CNNM2: variants seen among roughly 807,000 people sequenced by gnomAD.
CNNM2 encodes the protein cyclin and CBS domain divalent metal cation transport mediator 2.
Under a neutral mutation model 66.9 loss-of-function variants are expected in CNNM2, and 12 were observed. That is an observed-to-expected ratio of 0.18 (90% CI 0.11 to 0.29). The LOEUF is 0.29. CNNM2 is among the 10% of genes least tolerant of loss of function. The probability of loss-of-function intolerance (pLI) is 1.00; values close to 1 mark genes in which losing one functional copy is unlikely to be tolerated. For synonymous variants in CNNM2, 557 were observed against 501.8 expected, an observed-to-expected ratio of 1.11 and a Z score of -1.47; for missense variants, 705 against 1,167.7, an observed-to-expected ratio of 0.60 and a Z score of 5.77.
rs774895232 is a variant in CNNM2, at chr10:102,931,846, T to TA, written c.1621+11765dup. ...CATCCTCACCAGCACTTGTTATTGT[T>TA]AAAAAAAAAAAAAAAAAAAAGAATG... On this transcript the variant is annotated intron_variant, in intron 1 of 7. Transcript: ENST00000369878. 0.034 allele frequency among the ~76,000 whole-genome samples: 4,393 copies of TA among 128,066 alleles called. 122 individuals carry two copies. The highest frequency in any genetic ancestry group is 0.086 in the East Asian group (396 of 4,624). The allele number at this position is 128,066 out of a possible 152,430, so 84.0% of individuals were successfully genotyped here.
chr10:103,035,836 T>A (rs1264906696), intron 1 of CNNM2, among the ~76,000 whole-genome samples: 2 of 152,208 alleles, frequency 1.3e-5, no homozygotes, highest in African/African-American at 4.8e-5. Flanking sequence ...TAGAAGTAAA[T>A]GACTTGGCTT....
chr10:103,016,099 G>A (rs974643059), intron 1 of CNNM2, among the ~76,000 whole-genome samples: 8 of 152,070 alleles, frequency 5.3e-5, no homozygotes, highest in Admixed American at 1.3e-4. Flanking sequence ...ACAGAAACAA[G>A]ATCTAGCCCC....
chr10:103,011,581 AAAG>A (rs1388386695), intron 1 of CNNM2, among the ~76,000 whole-genome samples: 3 of 152,120 alleles, frequency 2.0e-5, no homozygotes, highest in Admixed American at 6.6e-5. Flanking sequence ...AGAAGTGAGA[AAAG>A]AAAATGCAAA....
intron 4 of CNNM2, among the ~76,000 whole-genome samples, chr10:103,058,925 C>T (rs2065338936): frequency 6.6e-6 from 1 of 152,196 alleles, no homozygotes; most frequent in African/African-American, 2.4e-5. Context: ...GTTCATGCCA[C>T]TTTAGGGAGC....
rs938797924 is a variant in CNNM2 at position 103,084,882 on chromosome 10, G to A, written c.*7702G>A. On this transcript the variant is annotated 3_prime_UTR_variant, in exon 8 of 8. Transcript: ENST00000369878. ...GGAAACTTATTTTATACTTTTTGAA[G>A]GTAATTTAAAAGAGATGATTCTTTA... The A allele has an allele frequency of 5.3e-5, 8 of 152,088 alleles. No homozygotes were observed. Among genetic ancestry groups the A allele is most frequent in the Admixed American group, 5.2e-4 (8 of 15,264 alleles). The allele number at this position is 152,088 out of a possible 1,614,324, so 9.4% of individuals were successfully genotyped here.
In CNNM2 at chr10:103,058,650, G is replaced by A. The variant is rs551243533; in HGVS notation, c.2073+1686G>A. 3.9e-5 allele frequency among the ~76,000 whole-genome samples: 6 copies of A among 152,238 alleles called. No homozygotes were observed. In the East Asian group the frequency reaches 1.2e-3, roughly 29 times the overall value. ...TTTACCTGTATTTGTATACCAATTT[G>A]TGTTAAATACTTATATAAAGGTGAC... is the stretch of plus-strand genomic sequence containing the variant. On this transcript the variant is annotated intron_variant, in intron 4 of 7. Coordinates refer to ENST00000369878, the MANE Select transcript of CNNM2 (RefSeq NM_017649.5).
At chr10:102,948,380 G>C (rs1846698191) in intron 1 of CNNM2, among the ~76,000 whole-genome samples, 1 of 152,166 alleles carries the variant, frequency 6.6e-6, no homozygotes, top group Non-Finnish European at 1.5e-5. Context: ...GCGTCAACTA[G>C]AGGAAATTTG....
At chr10:102,980,857 C>T (rs1192428699) in intron 1 of CNNM2, among the ~76,000 whole-genome samples, 1 of 152,086 alleles carries the variant, frequency 6.6e-6, no homozygotes, top group Non-Finnish European at 1.5e-5. Context: ...CCCTGGAATC[C>T]TTCATAAATC....
At chr10:103,013,865 A>T (rs1427308288) in intron 1 of CNNM2, among the ~76,000 whole-genome samples, 1 of 152,184 alleles carries the variant, frequency 6.6e-6, no homozygotes, top group Non-Finnish European at 1.5e-5. Context: ...GATTAAATTT[A>T]TTGGAGGGAC....
intron 1 of CNNM2, among the ~76,000 whole-genome samples, chr10:102,969,646 TTTG>T (rs1159834860): frequency 6.6e-6 from 1 of 152,100 alleles, no homozygotes; most frequent in African/African-American, 2.4e-5. Flanking sequence ...GGTTCACTGT[TTTG>T]TTTGTTTTCT....
chr10:103,002,260 A>T, intron 1 of CNNM2, among the ~76,000 whole-genome samples: 1 of 152,298 alleles, frequency 6.6e-6, no homozygotes, highest in South Asian at 2.1e-4. Context: ...TTTATTCTGG[A>T]TACAACTTAA....
chr10:103,076,131 A>C lies in CNNM2; in HGVS notation c.2279A>C (p.Asp760Ala). ...PPRPCGLNHS[D>A]SLSRSDRIDA... is the part of the protein sequence containing the mutation. Reference sequence around the variant, plus strand: ...CGCCCATGTGGCTTGAATCACTCAGACTCTCTCAGTCGAAGCGACCGGATT... The same window carrying C: ...CGCCCATGTGGCTTGAATCACTCAGCCTCTCTCAGTCGAAGCGACCGGATT... Residue 760 changes from aspartate to alanine, a missense_variant, in exon 7 of 8, where the codon GAC becomes GCC. By Grantham distance (126) the Asp-to-Ala change is moderately radical. Around this residue, in one of 9 missense-constraint regions of CNNM2, gnomAD observed 194 missense variants for 227.6 expected, o/e 0.85. Coordinates refer to ENST00000369878, the MANE Select transcript of CNNM2 (RefSeq NM_017649.5). 6.2e-7 allele frequency: 1 copy of C among 1,611,376 alleles called. No homozygotes were observed. Among genetic ancestry groups the C allele is most frequent in the Non-Finnish European group, 8.5e-7 (1 of 1,179,010 alleles).
At chr10:103,052,313 G>A (rs974481810) in intron 2 of CNNM2, among the ~76,000 whole-genome samples, 2 of 150,398 alleles carry the variant, frequency 1.3e-5, no homozygotes, top group Admixed American at 6.6e-5. Flanking sequence ...AACCCAAACC[G>A]AGTGTGTCTG....
At chr10:102,937,686 T>A (rs1261507418) in intron 1 of CNNM2, among the ~76,000 whole-genome samples, 1 of 152,162 alleles carries the variant, frequency 6.6e-6, no homozygotes, top group Non-Finnish European at 1.5e-5. Flanking sequence ...CAAGACAAGA[T>A]CAAATATTTG....
At chr10:103,033,870 C>T (rs1459766780) in intron 1 of CNNM2, among the ~76,000 whole-genome samples, 2 of 152,174 alleles carry the variant, frequency 1.3e-5, no homozygotes, top group Non-Finnish European at 2.9e-5. Flanking sequence ...TAATAGAGAA[C>T]ACTGGGTTTT....
At position 103,056,848 on chromosome 10, in the gene CNNM2, C is replaced by T; in HGVS notation, c.1957C>T (p.Leu653=). 1.9e-6 allele frequency: 3 copies of T among 1,613,994 alleles called. No homozygotes were observed. The highest frequency in any genetic ancestry group is 2.5e-6 in the Non-Finnish European group (3 of 1,179,888). The change falls in exon 4 of 8, where the codon CTA becomes TTA. Residue 653 remains leucine (L), a synonymous_variant. Coordinates refer to ENST00000369878, the MANE Select transcript of CNNM2 (RefSeq NM_017649.5). The stretch of plus-strand genomic sequence containing the variant: ...GTCAGAGAAGATCCTTCTAAGGCTG[C>T]TAAAGCACCCCAATGTCATCCAGGA... The part of the protein sequence containing the change: ...QMSEKILLRL[L]KHPNVIQELK...
intron 1 of CNNM2, among the ~76,000 whole-genome samples, chr10:103,025,935 TGGG>T (rs1474227034): frequency 6.6e-6 from 1 of 152,142 alleles, no homozygotes; most frequent in Non-Finnish European, 1.5e-5. Context: ...CACTGGGAGA[TGGG>T]GGTCTAATAA....
At chr10:103,010,625 T>G (rs571779305) in intron 1 of CNNM2, among the ~76,000 whole-genome samples, 1 of 151,840 alleles carries the variant, frequency 6.6e-6, no homozygotes, top group Admixed American at 6.5e-5. Context: ...ATTTTTATTT[T>G]CTTTTTTGAG....
intron 7 of CNNM2, 91 bp from the exon 8 acceptor site, chr10:103,076,880 G>C: frequency 8.6e-7 from 1 of 1,157,646 alleles, no homozygotes; most frequent in Admixed American, 1.7e-5. Flanking sequence ...AGAGGCTGCT[G>C]TGGGCCTGTC....
Sources: allele counts gnomAD v4.1 joint callset (sites outside exome capture counted in the v4.1 genomes callset), GRCh38; gene constraint gnomAD v4.1.1; regional missense constraint gnomAD v4.1.1; transcripts MANE v1.5; gene names NCBI Gene and HGNC (gene_info 2026-07-23, HGNC 2026-07-21).